The following NEBL variants were observed in gnomAD, a reference collection of about 807,000 sequenced individuals.
NEBL encodes nebulette.
A neutral mutation model predicts 140.2 loss-of-function variants in NEBL; 122 were observed. The ratio of observed to expected loss-of-function variants is 0.87; its 90% CI spans 0.75 to 1.01. NEBL has a LOEUF of 1.01. NEBL is among the 50% of genes least tolerant of loss of function. The probability of loss-of-function intolerance (pLI) is 0.00; values close to 1 mark genes in which losing one functional copy is unlikely to be tolerated. For missense variants in NEBL, 1,365 were observed against 1,231.3 expected, an observed-to-expected ratio of 1.11 and a Z score of -1.62; for synonymous variants, 436 against 398.9, an observed-to-expected ratio of 1.09 and a Z score of -1.11.
rs569115299 is a variant in NEBL at position 21,104,387 on chromosome 10, C to G, written c.164+67996G>C. Among the ~76,000 whole-genome samples the G allele has an allele frequency of 2.6e-5, 4 of 152,246 alleles. 1 individual carries two copies. In the South Asian group the frequency reaches 8.3e-4, roughly 32 times the overall value. On this transcript the variant is annotated intron_variant, in intron 2 of 6. Transcript: ENST00000417816. ...GAGCATTGTATATCTCCCCATTTCA[C>G]TAGGCCTTATTTAATTTTTCCAGCA...
chr10:20,928,590 T>G (rs892815445), intron 4 of NEBL, among the ~76,000 whole-genome samples: 3 of 152,196 alleles, frequency 2.0e-5, no homozygotes, highest in Non-Finnish European at 2.9e-5. Flanking sequence ...GGTGTCTCAC[T>G]TTCCCCTGCC....
At chr10:20,871,912 A>G (rs904952193) in intron 5 of NEBL, among the ~76,000 whole-genome samples, 1 of 152,174 alleles carries the variant, frequency 6.6e-6, no homozygotes, top group Non-Finnish European at 1.5e-5. Context: ...TCCTACCCTG[A>G]GTTAAATACA....
chr10:21,046,775 T>A (rs1180604752), intron 2 of NEBL, among the ~76,000 whole-genome samples: 1 of 152,056 alleles, frequency 6.6e-6, no homozygotes, highest in Non-Finnish European at 1.5e-5. Flanking sequence ...TAATTTTTTT[T>A]ATATTGTTAG....
At chr10:21,150,169 C>T (rs1840082169) in intron 2 of NEBL, among the ~76,000 whole-genome samples, 1 of 152,118 alleles carries the variant, frequency 6.6e-6, no homozygotes, top group Non-Finnish European at 1.5e-5. Context: ...AAATTATTTA[C>T]AAAATAAATA....
intron 1 of NEBL, 42 bp downstream of exon 1, chr10:20,897,083 A>G: frequency 2.5e-6 from 4 of 1,597,358 alleles, no homozygotes; most frequent in Non-Finnish European, 2.6e-6. Flanking sequence ...TTGTCAATTT[A>G]GAGGAACAAA....
chr10:20,945,134 G>T (rs574355481), intron 4 of NEBL, among the ~76,000 whole-genome samples: 3 of 152,152 alleles, frequency 2.0e-5, no homozygotes, highest in Non-Finnish European at 4.4e-5. Context: ...TCCTGTACGT[G>T]CAGTTTCCCT....
intron 13 of NEBL, among the ~76,000 whole-genome samples, chr10:20,840,130 G>A (rs781613564): frequency 1.3e-4 from 20 of 151,780 alleles, no homozygotes; most frequent in Non-Finnish European, 2.8e-4. Context: ...TATCATCAGA[G>A]TTTCAAAATA....
chr10:21,065,815 G>A (rs1835510280), intron 2 of NEBL, among the ~76,000 whole-genome samples: 1 of 152,134 alleles, frequency 6.6e-6, no homozygotes, highest in South Asian at 2.1e-4. Context: ...ACTCCATCTG[G>A]CACATCTTTC....
intron 2 of NEBL, among the ~76,000 whole-genome samples, chr10:21,050,049 A>C (rs1834702882): frequency 6.6e-6 from 1 of 152,146 alleles, no homozygotes; most frequent in Non-Finnish European, 1.5e-5. Flanking sequence ...AAGGGGGAGG[A>C]AGACTAGGTA....
chr10:20,909,292 A>AC lies in NEBL; in HGVS notation c.357+52379dup, dbSNP rs200028536. Among the ~76,000 whole-genome samples, 1,449 of 147,104 alleles carry AC rather than the reference A, an allele frequency of 9.9e-3. 18 individuals are homozygous for AC. The highest frequency in any genetic ancestry group is 0.033 in the African/African-American group (1,301 of 39,696). On this transcript the variant is annotated intron_variant, in intron 4 of 6. Transcript: ENST00000417816. Reference sequence around the variant, plus strand: ...TAACAGTTCCTACCTCCCCACCACCACCCCCACTACCCTTTCCAGTCTCTG... The same window carrying AC: ...TAACAGTTCCTACCTCCCCACCACCACCCCCCACTACCCTTTCCAGTCTCTG...
intron 2 of NEBL, among the ~76,000 whole-genome samples, chr10:21,125,204 G>A (rs777853538): frequency 9.4e-5 from 14 of 149,664 alleles, no homozygotes; most frequent in Middle Eastern, 3.4e-3. Flanking sequence ...GCACACACAC[G>A]CACACACATG....
chr10:20,792,491 T>C (rs1184387525), intron 26 of NEBL, among the ~76,000 whole-genome samples: 1 of 152,180 alleles, frequency 6.6e-6, no homozygotes, highest in Non-Finnish European at 1.5e-5. Context: ...AATAATGAAC[T>C]AGATCCTAGT....
At chr10:21,207,445 A>G (rs1316125576) in intron 3 of NEBL, among the ~76,000 whole-genome samples, 1 of 152,174 alleles carries the variant, frequency 6.6e-6, no homozygotes, top group African/African-American at 2.4e-5. Context: ...TTAACTCTAT[A>G]AAGATGGCAT....
At chr10:21,088,586 G>A (rs776341182) in intron 2 of NEBL, among the ~76,000 whole-genome samples, 5 of 152,160 alleles carry the variant, frequency 3.3e-5, no homozygotes, top group Non-Finnish European at 7.4e-5. Flanking sequence ...GTGCAGCCAG[G>A]TACTTCCTGC....
In NEBL at chr10:20,793,271, C is replaced by A. The variant is rs369918547; in HGVS notation, c.2762-5963G>T. On this transcript the variant is annotated intron_variant, in intron 26 of 27. Coordinates refer to ENST00000377122, the MANE Select transcript of NEBL (RefSeq NM_006393.3). ...AAGTTTTAAAGACATGCCTAATCAT[C>A]GTGATACAAAATAATTAAGCTCAAG... The A allele has an allele frequency of 6.1e-6, 5 of 819,482 alleles. No homozygotes were observed. In the East Asian group the frequency reaches 6.2e-4, roughly 102 times the overall value. 50.8% of individuals were successfully genotyped at this position (819,482 alleles called of 1,614,324 possible). A position where few individuals can be genotyped will look rare whatever the true frequency, so the allele number is the denominator to read the frequency against.
intron 3 of NEBL, among the ~76,000 whole-genome samples, chr10:21,010,871 A>C (rs1564479190): frequency 6.6e-6 from 1 of 152,198 alleles, no homozygotes; most frequent in Non-Finnish European, 1.5e-5. Flanking sequence ...TTCTTTAAAC[A>C]TCTTCCAATG....
At chr10:20,904,085 A>G (rs1847988848) in intron 4 of NEBL, among the ~76,000 whole-genome samples, 1 of 152,170 alleles carries the variant, frequency 6.6e-6, no homozygotes, top group Non-Finnish European at 1.5e-5. Context: ...ACAAAATGCT[A>G]TAATAAAAGT....
chr10:21,123,149 T>C (rs1055382674), intron 2 of NEBL, among the ~76,000 whole-genome samples: 3 of 152,198 alleles, frequency 2.0e-5, no homozygotes, highest in African/African-American at 7.2e-5. Flanking sequence ...TTGAGGTTGA[T>C]ACCAAAGGAT....
chr10:20,801,084 G>A (rs1322040119), intron 26 of NEBL, among the ~76,000 whole-genome samples: 1 of 152,144 alleles, frequency 6.6e-6, no homozygotes, highest in Non-Finnish European at 1.5e-5. Context: ...AAGATGTGCT[G>A]AACTATACCA....
Sources: gnomAD v4.1 joint callset for allele counts (sites outside exome capture counted in the v4.1 genomes callset) on GRCh38, gnomAD v4.1.1 for gene constraint, MANE v1.5 for transcripts, NCBI Gene and HGNC (gene_info 2026-07-23, HGNC 2026-07-21) for gene names.